GEM: variants seen among roughly 807,000 people sequenced by gnomAD.
GEM encodes the protein GTP binding protein overexpressed in skeletal muscle, also known as GTP-binding protein GEM.
GEM carries 31 observed loss-of-function variants against 33.0 expected under a neutral mutation model. The observed-to-expected ratio is 0.94, with a 90% confidence interval of 0.71 to 1.27. The LOEUF is 1.27. GEM is among the 50% of genes most tolerant of loss of function. GEM has a pLI of 0.00. For synonymous variants in GEM, 141 were observed against 143.7 expected (o/e 0.98, Z 0.13); for missense variants, 354 against 390.5 (o/e 0.91, Z 0.79).
At chr8:94,253,550 T>A (rs1386203008) in intron 2 of GEM, among the ~76,000 whole-genome samples, 2 of 152,216 alleles carry the variant, frequency 1.3e-5, no homozygotes, top group Admixed American at 6.5e-5. Flanking sequence ...TACTGAATAC[T>A]CACTAGCAAT....
chr8:94,255,948 T>G (rs1192387799), intron 2 of GEM, among the ~76,000 whole-genome samples: 3 of 152,170 alleles, frequency 2.0e-5, no homozygotes, highest in Non-Finnish European at 4.4e-5. Context: ...TGACAGACTC[T>G]CTCCCTGACC....
At chr8:94,253,176 T>C (rs1182832491) in intron 2 of GEM, 64 bp from the exon 3 acceptor site, 1 of 849,280 alleles carries the variant, frequency 1.2e-6, no homozygotes. Context: ...CATAAGAGGG[T>C]CAGGTAGAAA....
chr8:94,252,930 A>G (rs1808809740), intron 3 of GEM, 106 bp downstream of exon 3: 1 of 666,024 alleles, frequency 1.5e-6, no homozygotes. Context: ...AAATGAGCCC[A>G]CCTCATCTGG....
rs1563604832 is a variant in GEM at position 94,250,476 on chromosome 8, C to T, written c.725G>A (p.Arg242Gln). 5 of 1,614,102 alleles carry T rather than the reference C, an allele frequency of 3.1e-6. No individual in the cohort carries two copies. Among genetic ancestry groups the T allele is most frequent in the African/African-American group, 2.7e-5 (2 of 74,930 alleles). The change falls in exon 5 of 5, where the codon CGG becomes CAG. Residue 242 changes from arginine (R) to glutamine (Q), a missense_variant. Physicochemically the swap from Arg to Gln is conservative, Grantham distance 43. Transcript: ENST00000297596. ...FEGIVRQVRL[R>Q]RDSKEKNERR... ...TTCATTCTTCTCCTTGCTGTCCCGC[C>T]GAAGGCGCACCTGTCGCACAATGCC... is the stretch of plus-strand genomic sequence containing the variant.
rs895107306 is a variant in GEM, at chr8:94,259,986, C to T, written c.331+187G>A. ...GATCAACAGATTTTGGTCCTGTCTA[C>T]AAGCATTTTCATTTTCTTGCCCGAA... On this transcript the variant is annotated intron_variant, in intron 2 of 4. Transcript: ENST00000297596. 30 of 542,878 alleles carry T rather than the reference C, an allele frequency of 5.5e-5. No individual in the cohort carries two copies. The Admixed American group carries it at 9.0e-4, about 16-fold the overall frequency. 33.6% of individuals were successfully genotyped at this position (542,878 alleles called of 1,614,324 possible).
At position 94,250,117 on chromosome 8, in the gene GEM, G is replaced by A. The variant is rs1808726741; in HGVS notation, c.*193C>T. 1 of 578,426 alleles carries A rather than the reference G, an allele frequency of 1.7e-6. No individual in the cohort carries two copies. The highest frequency in any genetic ancestry group is 3.0e-6 in the Non-Finnish European group (1 of 330,046). 35.8% of individuals were successfully genotyped at this position (578,426 alleles called of 1,614,324 possible). On this transcript the variant is annotated 3_prime_UTR_variant, in exon 5 of 5. Transcript: ENST00000297596. ...CAAATAGCAAGGTCAGGCTTTTCCT[G>A]GAAATAAATACTGACTTTTTACAAA...
chr8:94,259,832 C>T (rs981740296), intron 2 of GEM: 4 of 227,942 alleles, frequency 1.8e-5, no homozygotes, highest in Admixed American at 5.0e-5. Context: ...TACTGAGTTC[C>T]GGGAAGAATG....
At chr8:94,257,485 C>G (rs1808915514) in intron 2 of GEM, among the ~76,000 whole-genome samples, 1 of 152,116 alleles carries the variant, frequency 6.6e-6, no homozygotes, top group South Asian at 2.1e-4. Context: ...CCGGGCCAAC[C>G]ATGAAGCTCT....
chr8:94,251,031 C>T (rs1234332271), intron 4 of GEM, among the ~76,000 whole-genome samples: 1 of 152,188 alleles, frequency 6.6e-6, no homozygotes, highest in Non-Finnish European at 1.5e-5. Context: ...GAAGTTCACA[C>T]AGCCTGTAAG....
chr8:94,250,642 C>G, intron 4 of GEM, 55 bp from the exon 5 acceptor site: 2 of 1,438,162 alleles, frequency 1.4e-6, no homozygotes, highest in Non-Finnish European at 1.9e-6. Flanking sequence ...CCACATAGCA[C>G]ACAGTCAAGC....
intron 4 of GEM, 67 bp downstream of exon 4, chr8:94,251,952 C>A (rs1271836959): frequency 8.3e-7 from 1 of 1,204,610 alleles, no homozygotes; most frequent in Non-Finnish European, 1.2e-6. Context: ...AGGGAAGAAC[C>A]CGTGTCTGAA....
At chr8:94,255,081 T>C (rs757073990) in intron 2 of GEM, among the ~76,000 whole-genome samples, 3 of 152,126 alleles carry the variant, frequency 2.0e-5, no homozygotes, top group Non-Finnish European at 2.9e-5. Context: ...TTCTTAGCTC[T>C]TCTCTAAAAC....
At chr8:94,253,462 G>A (rs1808822320) in intron 2 of GEM, among the ~76,000 whole-genome samples, 1 of 152,180 alleles carries the variant, frequency 6.6e-6, no homozygotes, top group South Asian at 2.1e-4. Context: ...AATGGTTAAT[G>A]CTATGAGGAA....
At position 94,262,199 on chromosome 8, in the gene GEM, C is replaced by T. The variant is rs1809038679; in HGVS notation, c.-119G>A. On this transcript the variant is annotated 5_prime_UTR_variant, in exon 1 of 5. Transcript: ENST00000297596. ...TCCCTTCTCCGTCTCGGGCCGTCCC[C>T]CTTACTTGGCTCGGCCGGATCGGCG... The T allele has an allele frequency of 6.6e-6, 1 of 152,340 alleles. No individual in the cohort carries two copies. Among genetic ancestry groups the T allele is most frequent in the Non-Finnish European group, 1.5e-5 (1 of 68,116 alleles). 9.4% of individuals were successfully genotyped at this position (152,340 alleles called of 1,614,324 possible). A position where few individuals can be genotyped will look rare whatever the true frequency, so the allele number is the denominator to read the frequency against.
Position 94,260,169 on chromosome 8 carries a change from C to T in GEM, c.331+4G>A. 1 of 1,573,462 alleles carries T rather than the reference C, an allele frequency of 6.4e-7. No homozygotes were observed. Among genetic ancestry groups the T allele is most frequent in the South Asian group, 1.1e-5 (1 of 89,634 alleles). On this transcript the variant is annotated splice_donor_region_variant and intron_variant, in intron 2 of 4. Transcript: ENST00000297596. Reference sequence around the variant, plus strand: ...AAGAAGCCCACTGGGGCTGGGACACCTACCTCCCAGCACCTCGCAGTCGCT... The same window carrying T: ...AAGAAGCCCACTGGGGCTGGGACACTTACCTCCCAGCACCTCGCAGTCGCT...
In GEM at chr8:94,253,085, A is replaced by G. The variant is rs530616234; in HGVS notation, c.359T>C (p.Val120Ala). 3.1e-6 allele frequency: 5 copies of G among 1,600,036 alleles called. No individual in the cohort carries two copies. The highest frequency in any genetic ancestry group is 4.3e-6 in the Non-Finnish European group (5 of 1,167,402). The stretch of plus-strand genomic sequence containing the variant: ...TATAATCGTTGCACTTTCCCCATCA[A>G]CCATCAGGGTTCGTTCATATGTATC... ...GEDTYERTLM[V>A]DGESATIILL... The change falls in exon 3 of 5, where the codon GTT (valine) becomes GCT (alanine). Residue 120 changes from valine to alanine, a missense_variant. Val to Ala is a moderately conservative substitution (Grantham distance 64, BLOSUM62 0). Coordinates refer to ENST00000297596, the MANE Select transcript of GEM (RefSeq NM_005261.4).
In GEM at chr8:94,249,540, GT is replaced by G. The variant is rs1213847389; in HGVS notation, c.*769del. Reference sequence around the variant, plus strand: ...AAAAATTGACATTTTGCACTACAGGGTATCAATAATTCTGATTTTAAAAATA... The same window carrying G: ...AAAAATTGACATTTTGCACTACAGGGATCAATAATTCTGATTTTAAAAATA... On this transcript the variant is annotated 3_prime_UTR_variant, in exon 5 of 5. Coordinates refer to ENST00000297596, the MANE Select transcript of GEM (RefSeq NM_005261.4). 2 of 152,066 alleles carry G rather than the reference GT, an allele frequency of 1.3e-5. No individual in the cohort carries two copies. Among genetic ancestry groups the G allele is most frequent in the Non-Finnish European group, 2.9e-5 (2 of 68,018 alleles). 9.4% of individuals were successfully genotyped at this position (152,066 alleles called of 1,614,324 possible).
Position 94,252,117 on chromosome 8 carries a change from C to T in GEM, c.515G>A (p.Arg172Gln), listed in dbSNP as rs750953687. ...RASFEKASEL[R>Q]IQLRRARQTE... ...CTGCCGGGCCCTGCGGAGCTGGATT[C>T]GCAGCTCAGATGCCTTCTCGAAGCT... The change falls in exon 4 of 5, where the codon CGA becomes CAA. Residue 172 changes from arginine (R) to glutamine (Q), a missense_variant. Transcript: ENST00000297596. 6 of 1,613,646 alleles carry T rather than the reference C, an allele frequency of 3.7e-6. No homozygotes were observed. Among genetic ancestry groups the T allele is most frequent in the Admixed American group, 1.7e-5 (1 of 60,014 alleles).
chr8:94,250,638 A>T lies in GEM; in HGVS notation c.614-51T>A. On this transcript the variant is annotated intron_variant, in intron 4 of 4. Coordinates refer to ENST00000297596, the MANE Select transcript of GEM (RefSeq NM_005261.4). ...GGGACTGCAGAGCACAGTCCCACAT[A>T]GCACACAGTCAAGCTGGATGGTTCT... 2.7e-6 allele frequency: 4 copies of T among 1,467,978 alleles called. No homozygotes were observed. In the South Asian group the frequency reaches 5.1e-5, roughly 19 times the overall value. The allele number at this position is 1,467,978 out of a possible 1,614,324, so 90.9% of individuals were successfully genotyped here.
Sources: allele counts gnomAD v4.1 joint callset (sites outside exome capture counted in the v4.1 genomes callset), GRCh38; gene constraint gnomAD v4.1.1; transcripts MANE v1.5; gene names NCBI Gene and HGNC (gene_info 2026-07-23, HGNC 2026-07-21).